HNF4A: variants seen among roughly 807,000 people sequenced by gnomAD.
HNF4A encodes the protein hepatocyte nuclear factor 4 alpha.
In HNF4A, 15 loss-of-function variants were observed where a neutral mutation model predicts 52.4. The observed-to-expected ratio is 0.29, with a 90% CI of 0.19 to 0.44. The LOEUF (loss-of-function observed/expected upper bound fraction) is 0.44, where lower values mean the gene tolerates loss of function less well. HNF4A is among the 20% of genes least tolerant of loss of function. The pLI is 1.00. For missense variants in HNF4A, 479 were observed against 647.2 expected, an observed-to-expected ratio of 0.74 and a Z score of 2.82; for synonymous variants, 280 against 264.4, an observed-to-expected ratio of 1.06 and a Z score of -0.57.
At chr20:44,366,347 G>A (rs1393169308) in intron 1 of HNF4A, among the ~76,000 whole-genome samples, 4 of 152,030 alleles carry the variant, frequency 2.6e-5, no homozygotes, top group African/African-American at 9.7e-5. Context: ...TTGGCCGGGC[G>A]CAGTGGCACA....
chr20:44,368,073 AATATAT>A (rs1164435417), intron 1 of HNF4A, among the ~76,000 whole-genome samples: 1 of 111,732 alleles, frequency 8.9e-6, no homozygotes, highest in African/African-American at 3.5e-5. Flanking sequence ...TTGAGACATA[AATATAT>A]ATATATATGT....
chr20:44,413,882 C>G (rs977055922), intron 4 of HNF4A, 82 bp downstream of exon 4: 3 of 944,982 alleles, frequency 3.2e-6, no homozygotes, highest in East Asian at 2.6e-5. Flanking sequence ...TTCTCCCCAG[C>G]CAGGCCCTGG....
intron 7 of HNF4A, among the ~76,000 whole-genome samples, chr20:44,423,055 G>A (rs944091547): frequency 1.3e-5 from 2 of 152,154 alleles, no homozygotes; most frequent in Non-Finnish European, 2.9e-5. Flanking sequence ...AGTGGCTCAC[G>A]CCTGTAATCC....
intron 1 of HNF4A, among the ~76,000 whole-genome samples, chr20:44,368,053 C>CTT (rs558557390): frequency 9.6e-6 from 1 of 103,814 alleles, no homozygotes; most frequent in Non-Finnish European, 1.9e-5. Context: ...GGAAGATGGG[C>CTT]TTTTTTTTTT....
chr20:44,420,846 C>T (rs1252016489), intron 7 of HNF4A, among the ~76,000 whole-genome samples: 1 of 152,074 alleles, frequency 6.6e-6, no homozygotes, highest in Non-Finnish European at 1.5e-5. Flanking sequence ...ATAAATAAAT[C>T]TACACATACT....
At chr20:44,424,757 A>G (rs2063796341) in intron 8 of HNF4A, 1 of 361,986 alleles carries the variant, frequency 2.8e-6, no homozygotes, top group African/African-American at 2.1e-5. Context: ...GGCTTAAAAG[A>G]CAAGAGAGGA....
Position 44,413,336 on chromosome 20 carries a change from T to A in HNF4A, c.386-358T>A, listed in dbSNP as rs190882433. On this transcript the variant is annotated intron_variant, in intron 3 of 9. Transcript: ENST00000316099. ...TTTGCTTGCTTTACTCACTTTCATT[T>A]GGAAAGAAAGGGACCCTTTTGTAGA... 7.9e-5 allele frequency among the ~76,000 whole-genome samples: 12 copies of A among 152,304 alleles called. No homozygotes were observed. The East Asian group carries it at 1.5e-3, about 20-fold the overall frequency.
rs114949943 is a variant in HNF4A at position 44,356,275 on chromosome 20, G to A, written c.49+422G>A. ...ATTATCAAGCTGGGCGTGGGACCGG[G>A]CAGCTCGGTCGCTCCGCACCTCCGT... is the stretch of plus-strand genomic sequence containing the variant. On this transcript the variant is annotated intron_variant, in intron 1 of 9. Transcript: ENST00000316673. Among the ~76,000 whole-genome samples the A allele has an allele frequency of 5.5e-3, 844 of 152,320 alleles. 8 individuals carry two copies. The highest frequency in any genetic ancestry group is 0.019 in the African/African-American group (796 of 41,582).
At chr20:44,411,949 C>T (rs1011665478) in intron 3 of HNF4A, among the ~76,000 whole-genome samples, 5 of 151,334 alleles carry the variant, frequency 3.3e-5, no homozygotes, top group Non-Finnish European at 7.4e-5. Flanking sequence ...CCCAGCTATT[C>T]GGGAGGCTGA....
chr20:44,387,006 C>T (rs375526236), intron 1 of HNF4A, among the ~76,000 whole-genome samples: 155 of 152,218 alleles, frequency 1.0e-3, no homozygotes, highest in African/African-American at 3.5e-3. Flanking sequence ...TAAACACTTA[C>T]TAAAATGTAT....
At chr20:44,433,725 T>A (rs993807300), downstream of HNF4A, 1 of 152,212 alleles carries the variant, frequency 6.6e-6, no homozygotes, top group African/African-American at 2.4e-5. Context: ...AGAGATGCAC[T>A]TGAGAATCTC....
chr20:44,355,773 GC>G, exon 1 of HNF4A: 1 of 1,610,316 alleles, frequency 6.2e-7, no homozygotes, highest in African/African-American at 1.3e-5. Context: ...GCTCCTCCAT[GC>G]CCCCAGCTCT....
intron 3 of HNF4A, among the ~76,000 whole-genome samples, chr20:44,409,856 A>G (rs1418791916): frequency 3.8e-5 from 5 of 132,162 alleles, no homozygotes; most frequent in African/African-American, 1.4e-4. Context: ...TTTTTTTTTT[A>G]GATGGAATTT....
chr20:44,392,429 C>T (rs774708879), intron 1 of HNF4A, among the ~76,000 whole-genome samples: 6 of 152,214 alleles, frequency 3.9e-5, no homozygotes, highest in Non-Finnish European at 8.8e-5. Flanking sequence ...AAAATATAGA[C>T]GCCTGGCACC....
chr20:44,405,102 GC>G (rs2063481590), intron 1 of HNF4A, among the ~76,000 whole-genome samples: 5 of 7,014 alleles, frequency 7.1e-4, no homozygotes, highest in Non-Finnish European at 1.6e-3. Flanking sequence ...GTGTGCTTGT[GC>G]GTAGCGTGTG....
intron 1 of HNF4A, among the ~76,000 whole-genome samples, chr20:44,367,908 G>C (rs2062986418): frequency 6.6e-6 from 1 of 151,658 alleles, no homozygotes; most frequent in Non-Finnish European, 1.5e-5. Context: ...CAGCGCATGA[G>C]AGGCGGAGCT....
At chr20:44,360,068 T>G (rs1383160767) in intron 1 of HNF4A, among the ~76,000 whole-genome samples, 3 of 152,240 alleles carry the variant, frequency 2.0e-5, no homozygotes, top group Non-Finnish European at 4.4e-5. Flanking sequence ...ACCTCGAATC[T>G]CCTTAAAGGA....
chr20:44,358,953 T>G (rs2062889390), intron 1 of HNF4A, among the ~76,000 whole-genome samples: 1 of 152,170 alleles, frequency 6.6e-6, no homozygotes, highest in Non-Finnish European at 1.5e-5. Context: ...TCCCTGGACT[T>G]CCGGTGCTTC....
chr20:44,418,977 T>C (rs373122999), intron 6 of HNF4A, among the ~76,000 whole-genome samples: 3 of 152,276 alleles, frequency 2.0e-5, no homozygotes, highest in East Asian at 1.9e-4. Flanking sequence ...GGTTTCACCA[T>C]GTTGACCAGG....
Sources: gnomAD v4.1 joint callset for allele counts (sites outside exome capture counted in the v4.1 genomes callset) on GRCh38, gnomAD v4.1.1 for gene constraint, MANE v1.5 for transcripts, NCBI Gene and HGNC (gene_info 2026-07-23, HGNC 2026-07-21) for gene names.